Variants in BCAS3 observed in about 807,000 individuals in gnomAD.
BCAS3 encodes the protein BCAS3 microtubule associated cell migration factor.
In BCAS3, 53 loss-of-function variants were observed where a neutral mutation model predicts 116.1. That is an observed-to-expected ratio of 0.46 (90% CI 0.37 to 0.57). The LOEUF is 0.57. Ranked by LOEUF, BCAS3 falls within the 20% of genes least tolerant of loss-of-function variation. The pLI, the probability that BCAS3 is intolerant of heterozygous loss-of-function variation, is 0.00. For missense variants in BCAS3, 917 were observed against 1,165.4 expected (o/e 0.79, Z 3.10); for synonymous variants, 391 against 408.2 (o/e 0.96, Z 0.51).
chr17:60,937,190 G>C, intron 13 of BCAS3, among the ~76,000 whole-genome samples: 1 of 151,730 alleles, frequency 6.6e-6, no homozygotes, highest in East Asian at 1.9e-4. Context: ...CATTATTTCT[G>C]AGGGTCACTG....
In BCAS3 at chr17:61,017,106, T is replaced by C. The variant is rs773486781; in HGVS notation, c.1637+1205T>C. 2 of 152,190 alleles carry C rather than the reference T, an allele frequency of 1.3e-5. No individual in the cohort carries two copies. The highest frequency in any genetic ancestry group is 2.9e-5 in the Non-Finnish European group (2 of 68,028). 9.4% of individuals were successfully genotyped at this position (152,190 alleles called of 1,614,324 possible). ...GTATATCTTTTTAATTTTTTTCAGC[T>C]TTTTAACTCCTTGGGCCCAGGAAAA... On this transcript the variant is annotated intron_variant, in intron 16 of 23. Coordinates refer to ENST00000407086, the MANE Select transcript of BCAS3 (RefSeq NM_017679.5). This position sits in a 1 kb window ranked among gnomAD's most constrained non-coding sequence, Gnocchi z 4.7.
At chr17:60,779,004 C>T (rs1338347717) in intron 6 of BCAS3, among the ~76,000 whole-genome samples, 1 of 152,002 alleles carries the variant, frequency 6.6e-6, no homozygotes, top group East Asian at 1.9e-4. Context: ...TTTTGCAGTA[C>T]ACTTTGGGTT....
At chr17:61,277,216 T>C (rs891870249) in intron 22 of BCAS3, among the ~76,000 whole-genome samples, 3 of 138,026 alleles carry the variant, frequency 2.2e-5, no homozygotes, top group Non-Finnish European at 4.5e-5. Flanking sequence ...TGAGCTGTAA[T>C]CATGTCAGTG....
At chr17:61,108,598 A>G (rs1014468870) in intron 22 of BCAS3, among the ~76,000 whole-genome samples, 9 of 93,912 alleles carry the variant, frequency 9.6e-5, no homozygotes, top group Admixed American at 2.9e-4. Flanking sequence ...TGATTTGTCT[A>G]TAGTGGTTTT....
intron 6 of BCAS3, among the ~76,000 whole-genome samples, chr17:60,797,466 G>A (rs186425410): frequency 5.6e-4 from 83 of 149,240 alleles, no homozygotes; most frequent in Middle Eastern, 3.7e-3. Flanking sequence ...TCTCCTGTCC[G>A]GCCTCCTGAG....
rs972117814 is a variant in BCAS3, at chr17:61,323,275, C to T, written c.2426-45052C>T. Among the ~76,000 whole-genome samples the T allele has an allele frequency of 4.6e-5, 7 of 152,066 alleles. No individual in the cohort carries two copies. Among genetic ancestry groups the T allele is most frequent in the East Asian group, 3.9e-4 (2 of 5,158 alleles). On this transcript the variant is annotated intron_variant, in intron 22 of 23. Coordinates refer to ENST00000407086, the MANE Select transcript of BCAS3 (RefSeq NM_017679.5). The surrounding 1 kb of genome is among the most constrained non-coding windows in gnomAD (Gnocchi z 4.6). ...CAGGGGGAAGGACTCATTTATAACC[C>T]GTTCTGATTATTCTTCTCCTCTGAA...
At chr17:61,089,137 ATAAT>A (rs1234540841) in intron 22 of BCAS3, among the ~76,000 whole-genome samples, 1 of 152,218 alleles carries the variant, frequency 6.6e-6, no homozygotes, top group Non-Finnish European at 1.5e-5. Flanking sequence ...AGTAATAAAA[ATAAT>A]TAATTTAGGA....
chr17:61,290,922 A>G (rs1364508068), intron 22 of BCAS3, among the ~76,000 whole-genome samples: 2 of 152,112 alleles, frequency 1.3e-5, no homozygotes, highest in Non-Finnish European at 2.9e-5. Flanking sequence ...CTGGGACTAC[A>G]GGTGCCTGCC....
chr17:61,117,679 C>T (rs750370801), intron 22 of BCAS3, among the ~76,000 whole-genome samples: 1 of 152,098 alleles, frequency 6.6e-6, no homozygotes, highest in Non-Finnish European at 1.5e-5. Context: ...CTTTCTATTT[C>T]TTTGATGAGG....
chr17:60,856,794 C>A (rs1428648591), intron 7 of BCAS3, among the ~76,000 whole-genome samples: 2 of 152,058 alleles, frequency 1.3e-5, no homozygotes, highest in African/African-American at 4.8e-5. Context: ...TTTAAGAAAT[C>A]TGGTTTAAAT....
chr17:60,825,092 G>A (rs2050266271), intron 7 of BCAS3, among the ~76,000 whole-genome samples: 1 of 151,794 alleles, frequency 6.6e-6, no homozygotes, highest in South Asian at 2.1e-4. Flanking sequence ...CTGGAGCCCA[G>A]GAGGTAGAGG....
In BCAS3 at chr17:60,784,375, T is replaced by C. The variant is rs187890711; in HGVS notation, c.404-23629T>C. 9.5e-5 allele frequency among the ~76,000 whole-genome samples: 14 copies of C among 147,698 alleles called. No individual in the cohort carries two copies. In the East Asian group the frequency reaches 2.6e-3, roughly 28 times the overall value. On this transcript the variant is annotated intron_variant, in intron 6 of 23. Coordinates refer to ENST00000407086, the MANE Select transcript of BCAS3 (RefSeq NM_017679.5). ...GGGCAGTGACACAATCTCGGCTCAC[T>C]GGAAGCTCCACCTCCCAGGTTCATG... is the stretch of plus-strand genomic sequence containing the variant.
At chr17:60,921,972 T>A (rs1034250756) in intron 12 of BCAS3, among the ~76,000 whole-genome samples, 1 of 152,068 alleles carries the variant, frequency 6.6e-6, no homozygotes, top group Non-Finnish European at 1.5e-5. Flanking sequence ...ATAATACAGA[T>A]AAAACATTTT....
rs2081299090 is a variant in BCAS3 at position 61,208,901 on chromosome 17, T to C, written c.2425+124337T>C. 6.6e-6 allele frequency among the ~76,000 whole-genome samples: 1 copy of C among 150,658 alleles called. No individual in the cohort carries two copies. Among genetic ancestry groups the C allele is most frequent in the African/African-American group, 2.4e-5 (1 of 41,144 alleles). On this transcript the variant is annotated intron_variant, in intron 22 of 23. Coordinates refer to ENST00000407086, the MANE Select transcript of BCAS3 (RefSeq NM_017679.5). This position sits in a 1 kb window ranked among gnomAD's most constrained non-coding sequence, Gnocchi z 4.5. ...GGAAAAAAAAAAAAAAAGGAGGGCC[T>C]GTATCTCTTGTGTAGCTCAGATCCT...
chr17:61,338,961 C>A (rs550199841), intron 22 of BCAS3, among the ~76,000 whole-genome samples: 2 of 151,324 alleles, frequency 1.3e-5, no homozygotes, highest in Admixed American at 6.6e-5. Context: ...TCTTTCTCCC[C>A]CTTCATGGCA....
chr17:60,725,798 T>C lies in BCAS3; in HGVS notation c.321+16473T>C, dbSNP rs143702117. Among the ~76,000 whole-genome samples the C allele has an allele frequency of 9.9e-3, 1,506 of 152,300 alleles. 33 individuals carry two copies. Among genetic ancestry groups the C allele is most frequent in the African/African-American group, 0.034 (1,433 of 41,570 alleles). ...GGATAGAGGTATGAATACAGTGCTGTAGAGCCCCCAAAGAATGACAGGATG... is the reference window on the plus strand; with the variant it reads ...GGATAGAGGTATGAATACAGTGCTGCAGAGCCCCCAAAGAATGACAGGATG... On this transcript the variant is annotated intron_variant, in intron 5 of 23. Transcript: ENST00000407086.
chr17:60,981,880 G>T (rs974179571), intron 14 of BCAS3, among the ~76,000 whole-genome samples: 3 of 152,004 alleles, frequency 2.0e-5, no homozygotes, highest in African/African-American at 7.2e-5. Flanking sequence ...ATTGCCTCTA[G>T]GTAAAGCTTA....
At chr17:61,159,652 A>C (rs1476098) in intron 22 of BCAS3, among the ~76,000 whole-genome samples, 101,194 of 152,116 alleles carry the variant, frequency 0.67, 37,168 homozygotes, top group South Asian at 0.89. Context: ...CCTTGCCTTC[A>C]TCTTTTCAGA....
chr17:61,095,183 A>G lies in BCAS3; in HGVS notation c.2425+10619A>G, dbSNP rs2073886399. Among the ~76,000 whole-genome samples the G allele has an allele frequency of 6.6e-6, 1 of 152,222 alleles. No individual in the cohort carries two copies. The highest frequency in any genetic ancestry group is 6.5e-5 in the Admixed American group (1 of 15,282). On this transcript the variant is annotated intron_variant, in intron 22 of 23. Transcript: ENST00000407086. This position sits in a 1 kb window ranked among gnomAD's most constrained non-coding sequence, Gnocchi z 4.7. Reference sequence around the variant, plus strand: ...GCAGTTACGTATTTGAGTTAGACCAACTTTTCTTCGTGTACGTCAACCAAA... The same window carrying G: ...GCAGTTACGTATTTGAGTTAGACCAGCTTTTCTTCGTGTACGTCAACCAAA...
Sources: allele counts gnomAD v4.1 joint callset (sites outside exome capture counted in the v4.1 genomes callset), GRCh38; gene constraint gnomAD v4.1.1; non-coding constraint Gnocchi (gnomAD v3.1); transcripts MANE v1.5; gene names NCBI Gene and HGNC (gene_info 2026-07-23, HGNC 2026-07-21).